The following RIT2 variants were observed in gnomAD, a reference collection of about 807,000 sequenced individuals.
The protein encoded by RIT2 is GTP-binding protein Rit2.
A neutral mutation model predicts 23.7 loss-of-function variants in RIT2; 24 were observed. That is an observed-to-expected ratio of 1.01 (90% CI 0.73 to 1.43). The LOEUF (loss-of-function observed/expected upper bound fraction) is 1.43, where lower values mean the gene tolerates loss of function less well. Among genes scored for constraint, RIT2 ranks in the 40% most tolerant of loss-of-function variants. The pLI is 0.00. For missense variants in RIT2, 236 were observed against 266.9 expected, an observed-to-expected ratio of 0.88 and a Z score of 0.81; for synonymous variants, 107 against 91.1, an observed-to-expected ratio of 1.17 and a Z score of -0.99.
intron 4 of RIT2, among the ~76,000 whole-genome samples, chr18:42,842,805 C>T (rs1375342068): frequency 6.6e-6 from 1 of 152,108 alleles, no homozygotes; most frequent in East Asian, 1.9e-4. Context: ...AAAGTGTGAT[C>T]CAGAAATAGG....
At chr18:43,001,409 T>G (rs1466983339) in intron 2 of RIT2, among the ~76,000 whole-genome samples, 1 of 152,006 alleles carries the variant, frequency 6.6e-6, no homozygotes, top group Non-Finnish European at 1.5e-5. Context: ...GAAAAAAATG[T>G]ATAAGCAAGA....
intron 4 of RIT2, among the ~76,000 whole-genome samples, chr18:42,803,648 A>T (rs1905600299): frequency 6.6e-6 from 1 of 152,210 alleles, no homozygotes; most frequent in South Asian, 2.1e-4. Flanking sequence ...ACCTAATTTA[A>T]GCAGTATAAA....
intron 1 of RIT2, among the ~76,000 whole-genome samples, chr18:43,079,888 T>C (rs943313231): frequency 1.3e-5 from 2 of 152,194 alleles, no homozygotes; most frequent in African/African-American, 4.8e-5. Context: ...TGAGCTTCAG[T>C]GTCAGTCAGT....
chr18:42,983,535 T>G (rs1910643435), intron 2 of RIT2, among the ~76,000 whole-genome samples: 1 of 152,068 alleles, frequency 6.6e-6, no homozygotes, highest in African/African-American at 2.4e-5. Flanking sequence ...TTTTACTCTA[T>G]GAAAGACTCC....
intron 3 of RIT2, among the ~76,000 whole-genome samples, chr18:42,955,225 C>A (rs1909945375): frequency 1.3e-5 from 2 of 152,214 alleles, no homozygotes; most frequent in South Asian, 4.1e-4. Context: ...ACTGTCATTT[C>A]AGCCAAGAGT....
At chr18:42,900,024 T>C (rs190305885) in intron 4 of RIT2, among the ~76,000 whole-genome samples, 2 of 152,182 alleles carry the variant, frequency 1.3e-5, no homozygotes, top group Admixed American at 6.5e-5. Flanking sequence ...TTTAATTAAT[T>C]AATGAAAATG....
chr18:42,905,141 C>T (rs536877795), intron 4 of RIT2, among the ~76,000 whole-genome samples: 26 of 152,228 alleles, frequency 1.7e-4, no homozygotes, highest in Non-Finnish European at 3.1e-4. Flanking sequence ...TGCACAGAAA[C>T]ATTCATAATG....
chr18:42,932,933 TA>T (rs1909363032), intron 3 of RIT2, among the ~76,000 whole-genome samples: 1 of 152,136 alleles, frequency 6.6e-6, no homozygotes, highest in Non-Finnish European at 1.5e-5. Context: ...CTTATGAACT[TA>T]AAAAATTAGC....
intron 4 of RIT2, among the ~76,000 whole-genome samples, chr18:42,763,983 C>A (rs1419219413): frequency 6.6e-6 from 1 of 152,202 alleles, no homozygotes; most frequent in Non-Finnish European, 1.5e-5. Flanking sequence ...ATTGTAGATG[C>A]AGTCCATCAC....
At chr18:42,807,281 C>A (rs1450439438) in intron 4 of RIT2, among the ~76,000 whole-genome samples, 1 of 152,048 alleles carries the variant, frequency 6.6e-6, no homozygotes, top group Non-Finnish European at 1.5e-5. Context: ...TTTTAAGCAG[C>A]CTTGAATAAA....
At chr18:43,054,436 A>G (rs1327627220) in intron 1 of RIT2, among the ~76,000 whole-genome samples, 1 of 152,098 alleles carries the variant, frequency 6.6e-6, no homozygotes, top group Non-Finnish European at 1.5e-5. Flanking sequence ...GTTTAAATAA[A>G]GAAAGGACAT....
At chr18:42,856,824 TC>T (rs1201249447) in intron 4 of RIT2, among the ~76,000 whole-genome samples, 9 of 135,434 alleles carry the variant, frequency 6.6e-5, no homozygotes, top group African/African-American at 1.5e-4. Flanking sequence ...TTTCTCTCTC[TC>T]TCTTTTTTTT....
chr18:42,951,592 GAA>G (rs575305060), intron 3 of RIT2, among the ~76,000 whole-genome samples: 2 of 144,516 alleles, frequency 1.4e-5, no homozygotes, highest in Non-Finnish European at 3.0e-5. Flanking sequence ...AGTTAAAAAA[GAA>G]AAAAATATAT....
chr18:43,033,268 T>C (rs1294124171), intron 2 of RIT2, among the ~76,000 whole-genome samples: 1 of 152,122 alleles, frequency 6.6e-6, no homozygotes, highest in Non-Finnish European at 1.5e-5. Context: ...GAAAACTGGG[T>C]AGGAGGAATA....
intron 1 of RIT2, among the ~76,000 whole-genome samples, chr18:43,105,848 T>G (rs895161377): frequency 3.9e-5 from 6 of 152,214 alleles, no homozygotes; most frequent in Non-Finnish European, 8.8e-5. Flanking sequence ...AAATATGGAT[T>G]TCCTGGGTTA....
intron 1 of RIT2, among the ~76,000 whole-genome samples, chr18:43,045,815 C>T (rs62092692): frequency 0.081 from 12,309 of 152,004 alleles, 637 homozygotes; most frequent in East Asian, 0.18. Flanking sequence ...ACATCATTAG[C>T]TTCCCTCAGC....
chr18:42,814,829 G>A (rs1351702237), intron 4 of RIT2, among the ~76,000 whole-genome samples: 4 of 152,024 alleles, frequency 2.6e-5, no homozygotes, highest in South Asian at 2.1e-4. Context: ...CTCTCCCGCC[G>A]CCACCTCCAC....
At chr18:43,107,000 T>C (rs1184943375) in intron 1 of RIT2, among the ~76,000 whole-genome samples, 1 of 152,156 alleles carries the variant, frequency 6.6e-6, no homozygotes, top group Non-Finnish European at 1.5e-5. Flanking sequence ...TTGATAAAAG[T>C]GCACCTTCCA....
chr18:42,806,039 C>T (rs1405913648), intron 4 of RIT2, among the ~76,000 whole-genome samples: 3 of 150,178 alleles, frequency 2.0e-5, no homozygotes, highest in African/African-American at 4.9e-5. Context: ...TTTAGGTTCA[C>T]GTCTCATTTC....
Sources: gnomAD v4.1 joint callset for allele counts (sites outside exome capture counted in the v4.1 genomes callset) on GRCh38, gnomAD v4.1.1 for gene constraint, MANE v1.5 for transcripts, NCBI Gene and HGNC (gene_info 2026-07-23, HGNC 2026-07-21) for gene names.